RNF157: variants seen among roughly 807,000 people sequenced by gnomAD.
RNF157 encodes the protein ring finger protein 157, also known as E3 ubiquitin ligase RNF157.
Under a neutral mutation model 88.3 loss-of-function variants are expected in RNF157, and 55 were observed. The ratio of observed to expected loss-of-function variants is 0.62; its 90% CI spans 0.50 to 0.78. The LOEUF is 0.78. Ranked by LOEUF, RNF157 falls within the 30% of genes least tolerant of loss-of-function variation. The pLI, the probability that RNF157 is intolerant of heterozygous loss-of-function variation, is 0.00. For missense variants in RNF157, 788 were observed against 860.8 expected (o/e 0.92, Z 1.06); for synonymous variants, 334 against 341.2 (o/e 0.98, Z 0.23).
chr17:76,214,064 T>C (rs1384877580), intron 1 of RNF157, among the ~76,000 whole-genome samples: 1 of 152,184 alleles, frequency 6.6e-6, no homozygotes, highest in African/African-American at 2.4e-5. Context: ...AGGAGGGGGT[T>C]ATGGGAACCC....
At chr17:76,174,403 C>G (rs749067776) in intron 2 of RNF157, among the ~76,000 whole-genome samples, 1 of 152,204 alleles carries the variant, frequency 6.6e-6, no homozygotes, top group South Asian at 2.1e-4. Flanking sequence ...CCATCCGCTT[C>G]TTCCCCCTTT....
At chr17:76,169,967 G>A (rs973771615) in intron 3 of RNF157, among the ~76,000 whole-genome samples, 1 of 152,176 alleles carries the variant, frequency 6.6e-6, no homozygotes, top group African/African-American at 2.4e-5. Context: ...ATCTGTGGCT[G>A]TCTGCTTGTA....
intron 3 of RNF157, among the ~76,000 whole-genome samples, chr17:76,172,059 G>A (rs767527055): frequency 1.3e-5 from 2 of 152,254 alleles, no homozygotes; most frequent in Non-Finnish European, 2.9e-5. Flanking sequence ...TCGGGGGACT[G>A]TTCTGCAGCA....
intron 1 of RNF157, chr17:76,226,024 G>T: frequency 1.2e-6 from 2 of 1,611,166 alleles, no homozygotes; most frequent in Non-Finnish European, 1.7e-6. Flanking sequence ...CAGGAGGATC[G>T]TAAGGTTTGG....
rs1051366362 is a variant in RNF157 at position 76,143,686 on chromosome 17, C to G, written c.*1549G>C. On this transcript the variant is annotated 3_prime_UTR_variant, in exon 19 of 19. Coordinates refer to ENST00000269391, the MANE Select transcript of RNF157 (RefSeq NM_052916.3). ...GTGAGACAGTCACTGCACTCCTGGC[C>G]TCTGCAGCCACACAGAAACGAAGGA... The G allele has an allele frequency of 2.0e-5, 3 of 152,176 alleles. No homozygotes were observed. The highest frequency in any genetic ancestry group is 7.2e-5 in the African/African-American group (3 of 41,428). The allele number at this position is 152,176 out of a possible 1,614,324, so 9.4% of individuals were successfully genotyped here. A position where few individuals can be genotyped will look rare whatever the true frequency, so the allele number is the denominator to read the frequency against.
intron 17 of RNF157, chr17:76,154,024 T>C (rs768813147): frequency 1.6e-4 from 72 of 452,712 alleles, no homozygotes; most frequent in Non-Finnish European, 2.4e-4. Flanking sequence ...TTCAGGTAAA[T>C]ATGGACCTGT....
chr17:76,152,254 A>T, intron 18 of RNF157, 101 bp downstream of exon 18: 1 of 792,504 alleles, frequency 1.3e-6, no homozygotes, highest in East Asian at 2.5e-5. Context: ...CCTTCTTGGC[A>T]GGAACTGCAG....
At position 76,157,007 on chromosome 17, in the gene RNF157, C is replaced by T. The variant is rs868771320; in HGVS notation, c.1414-686G>A. Among the ~76,000 whole-genome samples, 15 of 151,804 alleles carry T rather than the reference C, an allele frequency of 9.9e-5. No homozygotes were observed. The highest frequency in any genetic ancestry group is 6.3e-4 in the South Asian group (3 of 4,790). ...GATGGAGTCTCGCTCTGTTGCCCAG[C>T]CCAGGCTGGAGTGCAGTGGTGCGGT... On this transcript the variant is annotated intron_variant, in intron 13 of 18. Transcript: ENST00000269391. The surrounding 1 kb of genome is among the most constrained non-coding windows in gnomAD (Gnocchi z 5.6).
rs967938528 is a variant in RNF157 at position 76,159,710 on chromosome 17, G to A, written c.1066-137C>T. 7 of 648,466 alleles carry A rather than the reference G, an allele frequency of 1.1e-5. No individual in the cohort carries two copies. The African/African-American group carries it at 1.2e-4, about 11-fold the overall frequency. The allele number at this position is 648,466 out of a possible 1,614,324, so 40.2% of individuals were successfully genotyped here. A position where few individuals can be genotyped will look rare whatever the true frequency, so the allele number is the denominator to read the frequency against. On this transcript the variant is annotated intron_variant, in intron 11 of 18. Coordinates refer to ENST00000269391, the MANE Select transcript of RNF157 (RefSeq NM_052916.3). ...GTCTGGTAAGAACAACTGTACTAGA[G>A]GCAGAGATAAAATATCAAAGAATCA...
At chr17:76,182,951 T>C (rs114006177) in intron 2 of RNF157, among the ~76,000 whole-genome samples, 1,755 of 151,456 alleles carry the variant, frequency 0.012, 30 homozygotes, top group African/African-American at 0.04. Flanking sequence ...CTTCTGTTGG[T>C]TACTTTTCGC....
At chr17:76,201,559 AC>A (rs977976393) in intron 2 of RNF157, among the ~76,000 whole-genome samples, 1 of 151,758 alleles carries the variant, frequency 6.6e-6, no homozygotes, top group Non-Finnish European at 1.5e-5. Flanking sequence ...AGAAGTGAAT[AC>A]CCCCCTTCTT....
At chr17:76,223,581 C>T (rs59994016) in intron 1 of RNF157, among the ~76,000 whole-genome samples, 5,871 of 152,254 alleles carry the variant, frequency 0.039, 207 homozygotes, top group African/African-American at 0.089. Flanking sequence ...TGATAAAATG[C>T]TTAACCATAT....
At chr17:76,230,862 GAGAGAGAGAGAGAGAGAAAGAGAA>G (rs2070177308) in intron 1 of RNF157, among the ~76,000 whole-genome samples, 1 of 46,084 alleles carries the variant, frequency 2.2e-5, no homozygotes, top group African/African-American at 9.0e-5. Context: ...AAAAAAAAGA[GAGAGAGAGAGAGAGAGAAAGAGAA>G]AGAGAGAAAG....
chr17:76,175,085 C>T (rs375284394), intron 2 of RNF157, among the ~76,000 whole-genome samples: 20 of 152,202 alleles, frequency 1.3e-4, no homozygotes, highest in Admixed American at 1.0e-3. Flanking sequence ...GTCCGTCTAT[C>T]CATCCATCCT....
At chr17:76,218,340 A>G (rs548508653) in intron 1 of RNF157, among the ~76,000 whole-genome samples, 30 of 152,220 alleles carry the variant, frequency 2.0e-4, no homozygotes, top group Non-Finnish European at 4.1e-4. Flanking sequence ...TGAGGAGTCT[A>G]CTAAGGAATA....
At position 76,156,326 on chromosome 17, in the gene RNF157, G is replaced by A. The variant is rs374532457; in HGVS notation, c.1414-5C>T. On this transcript the variant is annotated splice_polypyrimidine_tract_variant and splice_region_variant and intron_variant, in intron 13 of 18. Coordinates refer to ENST00000269391, the MANE Select transcript of RNF157 (RefSeq NM_052916.3). The stretch of plus-strand genomic sequence containing the variant: ...TTCTGGAGTCACACCACATTCCTGG[G>A]GGTTGTGGGGGGACACAACAGGACA... The A allele has an allele frequency of 9.9e-6, 16 of 1,613,896 alleles. No homozygotes were observed. The highest frequency in any genetic ancestry group is 1.4e-5 in the Non-Finnish European group (16 of 1,179,934).
intron 1 of RNF157, among the ~76,000 whole-genome samples, chr17:76,235,260 C>T (rs1419007700): frequency 1.3e-5 from 2 of 151,056 alleles, no homozygotes; most frequent in Admixed American, 6.6e-5. Flanking sequence ...TGCAGTGGCA[C>T]GATCTCGGCT....
At chr17:76,218,346 G>T (rs761930102) in intron 1 of RNF157, among the ~76,000 whole-genome samples, 1 of 152,144 alleles carries the variant, frequency 6.6e-6, no homozygotes, top group African/African-American at 2.4e-5. Flanking sequence ...GTCTACTAAG[G>T]AATAAGCTTC....
chr17:76,165,598 G>GC, intron 6 of RNF157, 53 bp from the exon 7 acceptor site: 1 of 1,590,190 alleles, frequency 6.3e-7, no homozygotes, highest in Non-Finnish European at 8.6e-7. Context: ...ACATCTTGAT[G>GC]CCCATGACTT....
Sources: allele counts gnomAD v4.1 joint callset (sites outside exome capture counted in the v4.1 genomes callset), GRCh38; gene constraint gnomAD v4.1.1; non-coding constraint Gnocchi (gnomAD v3.1); transcripts MANE v1.5; gene names NCBI Gene and HGNC (gene_info 2026-07-23, HGNC 2026-07-21).